The following TBC1D19 variants were observed in gnomAD, a reference collection of about 807,000 sequenced individuals.
TBC1D19 encodes TBC1 domain family member 19, also known as TBC1 domain family, member 19.
TBC1D19 carries 60 observed loss-of-function variants against 89.0 expected under a neutral mutation model. The ratio of observed to expected loss-of-function variants is 0.67; its 90% confidence interval spans 0.55 to 0.84. The LOEUF (loss-of-function observed/expected upper bound fraction) is 0.84, where lower values mean the gene tolerates loss of function less well. Ranked by LOEUF, TBC1D19 falls within the 40% of genes least tolerant of loss-of-function variation. The probability of loss-of-function intolerance (pLI) is 0.00; values close to 1 mark genes in which losing one functional copy is unlikely to be tolerated. For missense variants in TBC1D19, 500 were observed against 610.8 expected (o/e 0.82, Z 1.91); for synonymous variants, 189 against 199.7 (o/e 0.95, Z 0.45).
intron 8 of TBC1D19, among the ~76,000 whole-genome samples, chr4:26,661,208 GC>G (rs757661831): frequency 2.9e-4 from 44 of 152,240 alleles, no homozygotes; most frequent in Non-Finnish European, 5.0e-4. Flanking sequence ...GCACTCGGAG[GC>G]CTCAGACATA....
At chr4:26,788,266 C>T in the TBC1D19 span, among the ~76,000 whole-genome samples, 9 of 152,036 alleles carry the variant, frequency 5.9e-5, no homozygotes, top group Non-Finnish European at 1.0e-4. Flanking sequence ...GGTTTCCTTC[C>T]ATAGGAGGCA....
chr4:26,683,740 A>C lies in TBC1D19; in HGVS notation c.882A>C (p.Leu294=), dbSNP rs1347368311. The part of the protein sequence containing the change: ...VIQHDLLVDS[L]IYKDVKLTAS... ...AACATGACCTTTTGGTGGACAGTCT[A>C]ATCTATAAAGTAAGTAAAAGTCAGC... Residue 294 remains leucine, a synonymous_variant, in exon 12 of 21, where the codon CTA becomes CTC. Transcript: ENST00000264866. 1 of 1,611,812 alleles carries C rather than the reference A, an allele frequency of 6.2e-7. No individual in the cohort carries two copies. Among genetic ancestry groups the C allele is most frequent in the Non-Finnish European group, 8.5e-7 (1 of 1,179,196 alleles).
At chr4:26,672,052 T>C (rs1251412495) in intron 9 of TBC1D19, 97 bp from the exon 10 acceptor site, 11 of 586,456 alleles carry the variant, frequency 1.9e-5, no homozygotes, top group Non-Finnish European at 2.6e-5. Flanking sequence ...TTAAAAATCA[T>C]TAAATGTATC....
At chr4:26,602,785 A>G (rs1370343569) in intron 1 of TBC1D19, among the ~76,000 whole-genome samples, 2 of 152,188 alleles carry the variant, frequency 1.3e-5, no homozygotes, top group Admixed American at 6.5e-5. Flanking sequence ...GTGAAAAAAA[A>G]AAAAGAACCA....
In TBC1D19 at chr4:26,710,856, G is replaced by A. The variant is rs190671505; in HGVS notation, c.955-7077G>A. On this transcript the variant is annotated intron_variant, in intron 13 of 20. Transcript: ENST00000264866. The stretch of plus-strand genomic sequence containing the variant: ...TGAGAAGTGTCTGTTCATATCCTTC[G>A]CCCACGTTTTGATGGGGTTGTTTGT... 6.2e-3 allele frequency among the ~76,000 whole-genome samples: 937 copies of A among 152,160 alleles called. 6 individuals are homozygous for A. Among genetic ancestry groups the A allele is most frequent in the African/African-American group, 0.02 (841 of 41,532 alleles).
At chr4:26,728,921 A>G (rs1007604080) in intron 15 of TBC1D19, among the ~76,000 whole-genome samples, 3 of 152,220 alleles carry the variant, frequency 2.0e-5, no homozygotes, top group African/African-American at 4.8e-5. Context: ...AGGCTGAGGC[A>G]GGAGAATGGC....
intron 18 of TBC1D19, among the ~76,000 whole-genome samples, chr4:26,745,497 CTTTTTTTTTTTTTT>C (rs71186486): frequency 2.0e-4 from 8 of 40,600 alleles, no homozygotes; most frequent in African/African-American, 6.7e-4. Flanking sequence ...CAATATACTT[CTTTTTTTTTTTTTT>C]TTTTTTTTTT....
chr4:26,646,792 G>C (rs1235849568), intron 7 of TBC1D19, among the ~76,000 whole-genome samples: 2 of 151,800 alleles, frequency 1.3e-5, no homozygotes, highest in Admixed American at 1.3e-4. Flanking sequence ...ACACTGAGGT[G>C]GGGGAATGGG....
chr4:26,647,181 T>C (rs931562096), intron 7 of TBC1D19, among the ~76,000 whole-genome samples: 1 of 152,092 alleles, frequency 6.6e-6, no homozygotes, highest in African/African-American at 2.4e-5. Flanking sequence ...GAAAAGATAA[T>C]GATCACCTTC....
chr4:26,595,672 C>T (rs558499456), intron 1 of TBC1D19, among the ~76,000 whole-genome samples: 1 of 151,984 alleles, frequency 6.6e-6, no homozygotes, highest in Non-Finnish European at 1.5e-5. Flanking sequence ...TTCCTCCCCC[C>T]TCCTTTGCAT....
chr4:26,587,804 A>T (rs911264545), intron 1 of TBC1D19, among the ~76,000 whole-genome samples: 40 of 151,726 alleles, frequency 2.6e-4, no homozygotes, highest in Non-Finnish European at 5.2e-4. Context: ...ATTTTTAATT[A>T]AAAAAATTCA....
intron 1 of TBC1D19, 130 bp downstream of exon 1, chr4:26,584,422 CAGACAA>C (rs745710781): frequency 1.2e-6 from 1 of 809,564 alleles, no homozygotes; most frequent in East Asian, 2.8e-5. Flanking sequence ...AAAAAACAAA[CAGACAA>C]AAACAAAAAC....
chr4:26,785,563 TAAAC>T, the TBC1D19 span, among the ~76,000 whole-genome samples: 1 of 152,184 alleles, frequency 6.6e-6, no homozygotes, highest in Non-Finnish European at 1.5e-5. Context: ...AGTATTCAGG[TAAAC>T]AAAAGATCAT....
chr4:26,587,284 A>G (rs1739472979), intron 1 of TBC1D19, among the ~76,000 whole-genome samples: 1 of 152,158 alleles, frequency 6.6e-6, no homozygotes, highest in African/African-American at 2.4e-5. Context: ...TTTATGAAAG[A>G]TACTGGTTTG....
intron 7 of TBC1D19, among the ~76,000 whole-genome samples, chr4:26,652,091 G>A (rs1744432728): frequency 6.6e-6 from 1 of 152,030 alleles, no homozygotes; most frequent in African/African-American, 2.4e-5. Flanking sequence ...TAAGCTTTTT[G>A]ATGTGCTGCT....
the TBC1D19 span, among the ~76,000 whole-genome samples, chr4:26,778,663 C>A: frequency 1.1e-4 from 16 of 152,204 alleles, no homozygotes; most frequent in Middle Eastern, 3.4e-3. Flanking sequence ...CTCTCATATG[C>A]CTTACAGTCT....
chr4:26,844,961 GAAATT>G, the TBC1D19 span, among the ~76,000 whole-genome samples: 1 of 152,122 alleles, frequency 6.6e-6, no homozygotes, highest in Admixed American at 6.5e-5. Flanking sequence ...TTGTATAGTT[GAAATT>G]AAATTATATA....
intron 14 of TBC1D19, among the ~76,000 whole-genome samples, chr4:26,718,813 A>G (rs1184429413): frequency 6.6e-6 from 1 of 152,058 alleles, no homozygotes; most frequent in African/African-American, 2.4e-5. Context: ...TGAAAAACTG[A>G]TTGTAAACTG....
At chr4:26,678,085 A>G (rs1170353454) in intron 11 of TBC1D19, among the ~76,000 whole-genome samples, 2 of 152,210 alleles carry the variant, frequency 1.3e-5, no homozygotes, top group Non-Finnish European at 2.9e-5. Flanking sequence ...TCAGAAGAAG[A>G]CAGGAAAATG....
Sources: allele counts gnomAD v4.1 joint callset (sites outside exome capture counted in the v4.1 genomes callset), GRCh38; gene constraint gnomAD v4.1.1; transcripts MANE v1.5; gene names NCBI Gene and HGNC (gene_info 2026-07-23, HGNC 2026-07-21).